ADAMTS17: variants seen among roughly 807,000 people sequenced by gnomAD.
The protein encoded by ADAMTS17 is A disintegrin and metalloproteinase with thrombospondin motifs 17.
A neutral mutation model predicts 141.5 loss-of-function variants in ADAMTS17; 113 were observed. The ratio of observed to expected loss-of-function variants is 0.80; its 90% confidence interval spans 0.69 to 0.93. The LOEUF is 0.93. Ranked by LOEUF, ADAMTS17 falls within the 40% of genes least tolerant of loss-of-function variation. The probability of loss-of-function intolerance (pLI) is 0.00; values close to 1 mark genes in which losing one functional copy is unlikely to be tolerated. For synonymous variants in ADAMTS17, 768 were observed against 630.6 expected, an observed-to-expected ratio of 1.22 and a Z score of -3.27; for missense variants, 1,659 against 1,517.9, an observed-to-expected ratio of 1.09 and a Z score of -1.54.
chr15:100,186,193 C>T (rs1248330488), intron 8 of ADAMTS17, among the ~76,000 whole-genome samples: 2 of 152,170 alleles, frequency 1.3e-5, no homozygotes, highest in Non-Finnish European at 2.9e-5. Context: ...CATTAAGCTG[C>T]ATTTCCTCCA....
At chr15:100,302,938 C>A (rs1201832492) in intron 3 of ADAMTS17, among the ~76,000 whole-genome samples, 3 of 151,954 alleles carry the variant, frequency 2.0e-5, no homozygotes, top group African/African-American at 7.2e-5. Context: ...TCCCAGCCTA[C>A]ATTTTTTCCC....
chr15:99,974,262 A>AC lies in ADAMTS17; in HGVS notation c.*139dup. On this transcript the variant is annotated 3_prime_UTR_variant, in exon 22 of 22. Coordinates refer to ENST00000268070, the MANE Select transcript of ADAMTS17 (RefSeq NM_139057.4). ...TTAAGTACGGAAGCACTAATGGCAA[A>AC]CGCCAAGTCCACGCTCATGTTCTAT... 8.9e-7 allele frequency: 1 copy of AC among 1,118,022 alleles called. No homozygotes were observed. Among genetic ancestry groups the AC allele is most frequent in the East Asian group, 2.4e-5 (1 of 41,152 alleles). 69.3% of individuals were successfully genotyped at this position (1,118,022 alleles called of 1,614,324 possible).
At chr15:100,338,741 C>T (rs574301643) in intron 2 of ADAMTS17, among the ~76,000 whole-genome samples, 14 of 152,240 alleles carry the variant, frequency 9.2e-5, no homozygotes, top group Non-Finnish European at 1.9e-4. Context: ...CCGAGCCTGT[C>T]GTAGCAAATA....
At chr15:100,157,191 G>A (rs182683714) in intron 8 of ADAMTS17, among the ~76,000 whole-genome samples, 431 of 152,228 alleles carry the variant, frequency 2.8e-3, no homozygotes, top group African/African-American at 0.01. Flanking sequence ...ACCTCCCAGC[G>A]GGTCCCTCCC....
At chr15:100,216,956 T>C (rs1409381149) in intron 7 of ADAMTS17, among the ~76,000 whole-genome samples, 1 of 152,218 alleles carries the variant, frequency 6.6e-6, no homozygotes, top group Non-Finnish European at 1.5e-5. Context: ...GCTCTAGACT[T>C]CCCATGTATT....
intron 12 of ADAMTS17, 80 bp from the exon 13 acceptor site, chr15:100,117,093 G>A: frequency 1.3e-6 from 2 of 1,503,358 alleles, no homozygotes; most frequent in Admixed American, 2.0e-5. Context: ...CTCTTGCCAG[G>A]GGGAGGAGAG....
chr15:100,010,498 C>T (rs2061142120), intron 18 of ADAMTS17, among the ~76,000 whole-genome samples: 1 of 152,322 alleles, frequency 6.6e-6, no homozygotes, highest in South Asian at 2.1e-4. Flanking sequence ...ACACTGTTCT[C>T]CACGTGTGCT....
At chr15:100,300,421 A>C (rs1410505508) in intron 3 of ADAMTS17, among the ~76,000 whole-genome samples, 1 of 152,220 alleles carries the variant, frequency 6.6e-6, no homozygotes, top group Non-Finnish European at 1.5e-5. Flanking sequence ...AAATGCAGTC[A>C]CCTGAGCCAT....
chr15:100,012,153 G>A (rs1221429339), intron 18 of ADAMTS17, among the ~76,000 whole-genome samples: 1 of 152,162 alleles, frequency 6.6e-6, no homozygotes, highest in Admixed American at 6.5e-5. Context: ...GTGATGCTGA[G>A]CATTGTTTTC....
intron 18 of ADAMTS17, among the ~76,000 whole-genome samples, chr15:100,014,269 C>G (rs1226004138): frequency 1.3e-5 from 2 of 152,038 alleles, no homozygotes; most frequent in Non-Finnish European, 2.9e-5. Flanking sequence ...TTTGGATTTT[C>G]TCTCTTCTTT....
chr15:100,146,113 C>T (rs1467919513), intron 10 of ADAMTS17, among the ~76,000 whole-genome samples: 1 of 152,168 alleles, frequency 6.6e-6, no homozygotes, highest in Non-Finnish European at 1.5e-5. Context: ...GTGGAGGTTG[C>T]ACTGAGCTGA....
intron 10 of ADAMTS17, among the ~76,000 whole-genome samples, chr15:100,145,799 C>T (rs8034669): frequency 0.12 from 19,028 of 152,262 alleles, 1,462 homozygotes; most frequent in Admixed American, 0.2. Flanking sequence ...GGCATATTAG[C>T]TAAAACTCTG....
chr15:100,280,763 G>A (rs563211909), intron 4 of ADAMTS17, among the ~76,000 whole-genome samples: 3 of 152,226 alleles, frequency 2.0e-5, no homozygotes, highest in East Asian at 3.9e-4. Flanking sequence ...TTGACAAATC[G>A]GACATAGACA....
rs142733538 is a variant in ADAMTS17, at chr15:100,230,152, G to A, written c.1075+23984C>T. 4.6e-3 allele frequency among the ~76,000 whole-genome samples: 696 copies of A among 152,312 alleles called. 5 individuals carry two copies. Among genetic ancestry groups the A allele is most frequent in the African/African-American group, 0.015 (641 of 41,574 alleles). ...CTGAGAAGACAACTCAGAATAAGTG[G>A]TTTTCTCAGTTAAACTTTCTCCGCA... On this transcript the variant is annotated intron_variant, in intron 7 of 21. Transcript: ENST00000268070.
intron 9 of ADAMTS17, among the ~76,000 whole-genome samples, chr15:100,153,813 C>T (rs575931974): frequency 6.6e-6 from 1 of 152,314 alleles, no homozygotes; most frequent in East Asian, 1.9e-4. Context: ...ACACAAGACA[C>T]AGACTGATCC....
chr15:100,334,806 T>A (rs2141971407), intron 2 of ADAMTS17, among the ~76,000 whole-genome samples: 1 of 152,260 alleles, frequency 6.6e-6, no homozygotes, highest in Admixed American at 6.5e-5. Flanking sequence ...TGGGGGTCCC[T>A]CACTTCAGTG....
intron 15 of ADAMTS17, among the ~76,000 whole-genome samples, chr15:100,056,268 T>C (rs144672294): frequency 1.3e-5 from 2 of 152,330 alleles, no homozygotes; most frequent in African/African-American, 2.4e-5. Context: ...AAATTGTCTC[T>C]TGCATATGCA....
intron 7 of ADAMTS17, among the ~76,000 whole-genome samples, chr15:100,214,904 T>A (rs181790586): frequency 6.6e-6 from 1 of 152,364 alleles, no homozygotes; most frequent in East Asian, 1.9e-4. Context: ...CACTGTCCCG[T>A]GACAAGTTCA....
At chr15:100,297,624 A>C (rs8037502) in intron 3 of ADAMTS17, among the ~76,000 whole-genome samples, 71,015 of 152,020 alleles carry the variant, frequency 0.47, 17,276 homozygotes, top group African/African-American at 0.59. Context: ...CCACTGGAAT[A>C]GGGCCAGGTA....
Sources: allele counts gnomAD v4.1 joint callset (sites outside exome capture counted in the v4.1 genomes callset), GRCh38; gene constraint gnomAD v4.1.1; transcripts MANE v1.5; gene names NCBI Gene and HGNC (gene_info 2026-07-23, HGNC 2026-07-21).